The following ATP10A variants were observed in gnomAD, a reference collection of about 807,000 sequenced individuals.
ATP10A encodes ATPase phospholipid transporting 10A (putative).
In ATP10A, 111 loss-of-function variants were observed where a neutral mutation model predicts 147.8. That is an observed-to-expected ratio of 0.75 (90% confidence interval 0.64 to 0.88). The LOEUF (loss-of-function observed/expected upper bound fraction) is 0.88. Among genes scored for constraint, ATP10A ranks in the 40% least tolerant of loss-of-function variants. The probability of loss-of-function intolerance (pLI) is 0.00; values close to 1 mark genes in which losing one functional copy is unlikely to be tolerated. For missense variants in ATP10A, 1,927 were observed against 1,959.0 expected, an observed-to-expected ratio of 0.98 and a Z score of 0.31; for synonymous variants, 875 against 841.6, an observed-to-expected ratio of 1.04 and a Z score of -0.69.
At chr15:25,683,570 C>T in intron 16 of ATP10A, 84 bp from the exon 17 acceptor site, 1 of 1,264,106 alleles carries the variant, frequency 7.9e-7, no homozygotes, top group Non-Finnish European at 1.1e-6. Flanking sequence ...GACAGGCCTG[C>T]AGAGTTTCAC....
downstream of ATP10A, chr15:25,678,232 AT>A (rs1899178987): frequency 6.6e-6 from 1 of 151,838 alleles, no homozygotes; most frequent in South Asian, 2.1e-4. Flanking sequence ...ATGCTGAGGA[AT>A]TTCCTTGTCC....
Position 25,726,058 on chromosome 15 carries a change from T to C in ATP10A, c.872A>G (p.Asn291Ser). The C allele has an allele frequency of 1.2e-6, 2 of 1,614,046 alleles. No individual in the cohort carries two copies. The highest frequency in any genetic ancestry group is 1.7e-6 in the Non-Finnish European group (2 of 1,179,946). Residue 291 changes from asparagine to serine, a missense_variant, in exon 5 of 21, where the codon AAC becomes AGC. By Grantham distance (46) the Asn-to-Ser change is conservative. Transcript: ENST00000555815. ...GCGCTTGTAGCGGGGCCCACTGTTG[T>C]TCAGCAGAGCCTTGGTTTCATGTCC... ...YAGHETKALL[N>S]NSGPRYKRSK...
At chr15:25,774,238 G>A (rs1012129021) in intron 2 of ATP10A, among the ~76,000 whole-genome samples, 1 of 152,106 alleles carries the variant, frequency 6.6e-6, no homozygotes, top group South Asian at 2.1e-4. Flanking sequence ...AAATATTTCA[G>A]ACTAGCCAAA....
intron 13 of ATP10A, among the ~76,000 whole-genome samples, chr15:25,697,452 A>T (rs1345718437): frequency 1.3e-5 from 2 of 152,242 alleles, no homozygotes; most frequent in African/African-American, 4.8e-5. Context: ...AAGACAATCC[A>T]CAGAAGCCAA....
intron 1 of ATP10A, among the ~76,000 whole-genome samples, chr15:25,799,647 C>T (rs1021514629): frequency 6.6e-6 from 1 of 152,112 alleles, no homozygotes; most frequent in Non-Finnish European, 1.5e-5. Flanking sequence ...GGTGGAGGAT[C>T]GCTTGAGCCC....
At chr15:25,798,332 A>G (rs1251083965) in intron 1 of ATP10A, among the ~76,000 whole-genome samples, 1 of 152,142 alleles carries the variant, frequency 6.6e-6, no homozygotes, top group Non-Finnish European at 1.5e-5. Flanking sequence ...ACCTTCCCCA[A>G]GCCAGTGCTG....
Position 25,679,864 on chromosome 15 carries a change from G to A in ATP10A, c.3977C>T (p.Ala1326Val), listed in dbSNP as rs757180174. 6 of 1,610,388 alleles carry A rather than the reference G, an allele frequency of 3.7e-6. 1 individual carries two copies. The South Asian group carries it at 6.6e-5, about 18-fold the overall frequency. ...CGAGTCCTTCGGGAGGCGTCCCTGA[G>A]CAAAGGTCTCTTTGGGAGCACTGCA... The part of the protein sequence containing the change: ...RRCSAPKETF[A>V]QGRLPKDSGT... The change falls in exon 21 of 21, where the codon GCT becomes GTT. Residue 1326 changes from alanine to valine, a missense_variant. Physicochemically the swap from Ala to Val is moderately conservative, Grantham distance 64. Coordinates refer to ENST00000555815, the MANE Select transcript of ATP10A (RefSeq NM_024490.4).
At chr15:25,835,545 C>T (rs1464353815) in intron 1 of ATP10A, among the ~76,000 whole-genome samples, 1 of 152,166 alleles carries the variant, frequency 6.6e-6, no homozygotes, top group Non-Finnish European at 1.5e-5. Context: ...TGAACAGGGT[C>T]CCAAGCCTGG....
intron 16 of ATP10A, among the ~76,000 whole-genome samples, chr15:25,684,790 C>T (rs1217387872): frequency 1.3e-5 from 2 of 152,154 alleles, no homozygotes; most frequent in Non-Finnish European, 1.5e-5. Flanking sequence ...CTGACTCAGT[C>T]ACTTCACCTC....
downstream of ATP10A, among the ~76,000 whole-genome samples, chr15:25,674,565 C>T (rs531040378): frequency 1.3e-5 from 2 of 152,330 alleles, no homozygotes; most frequent in South Asian, 4.1e-4. Context: ...AGAAACTTCA[C>T]AGCTTCATTC....
chr15:25,716,517 A>G (rs914517896), intron 9 of ATP10A, among the ~76,000 whole-genome samples: 5 of 152,150 alleles, frequency 3.3e-5, no homozygotes, highest in African/African-American at 1.2e-4. Context: ...CCCCAATCAT[A>G]GCCCCTGCCC....
At chr15:25,852,756 C>T (rs1157637893) in intron 1 of ATP10A, among the ~76,000 whole-genome samples, 1 of 152,204 alleles carries the variant, frequency 6.6e-6, no homozygotes, top group Non-Finnish European at 1.5e-5. Flanking sequence ...TCTTCAAGCA[C>T]AGTGAATTCC....
chr15:25,695,098 T>C lies in ATP10A; in HGVS notation c.2809A>G (p.Arg937Gly), dbSNP rs1900247795. ...TTCTCAGGGGCTCTCTGGAGGCCTC[T>C]GGACTGCACGTAGCATAGGCACTGG... ...LDQCLCYVQS[R>G]GLQRAPEKTK... is the part of the protein sequence containing the mutation. Residue 937 changes from arginine to glycine, a missense_variant, in exon 14 of 21, where the codon AGA (arginine) becomes GGA (glycine). Transcript: ENST00000555815. The C allele has an allele frequency of 1.9e-6, 3 of 1,614,184 alleles. No individual in the cohort carries two copies. The highest frequency in any genetic ancestry group is 2.5e-6 in the Non-Finnish European group (3 of 1,180,030).
At chr15:25,762,216 A>G (rs974407033) in intron 2 of ATP10A, among the ~76,000 whole-genome samples, 2 of 152,166 alleles carry the variant, frequency 1.3e-5, no homozygotes, top group Non-Finnish European at 2.9e-5. Flanking sequence ...ATAAGTTTCA[A>G]GAGGCCTCCC....
intron 2 of ATP10A, among the ~76,000 whole-genome samples, chr15:25,753,891 C>A (rs9972473): frequency 1.3e-5 from 2 of 151,518 alleles, no homozygotes; most frequent in Non-Finnish European, 2.9e-5. Flanking sequence ...ATTCTCCCAC[C>A]CTAGCCTCCC....
intron 1 of ATP10A, among the ~76,000 whole-genome samples, chr15:25,831,295 A>T (rs1892345881): frequency 6.6e-6 from 1 of 152,216 alleles, no homozygotes; most frequent in Non-Finnish European, 1.5e-5. Flanking sequence ...AAGTCCTGGA[A>T]CTGTAATGGG....
At chr15:25,682,979 T>G (rs933759738) in intron 17 of ATP10A, among the ~76,000 whole-genome samples, 1 of 152,148 alleles carries the variant, frequency 6.6e-6, no homozygotes, top group Non-Finnish European at 1.5e-5. Context: ...ATAAGTCACA[T>G]TTTCTTCCTT....
chr15:25,814,061 A>C (rs1296565087), intron 1 of ATP10A, among the ~76,000 whole-genome samples: 1 of 152,196 alleles, frequency 6.6e-6, no homozygotes, highest in Non-Finnish European at 1.5e-5. Context: ...CACAGGAAAC[A>C]AGAAGAAAAC....
At chr15:25,768,425 C>A (rs1216195329) in intron 2 of ATP10A, among the ~76,000 whole-genome samples, 1 of 152,134 alleles carries the variant, frequency 6.6e-6, no homozygotes, top group East Asian at 1.9e-4. Context: ...CCTGGCTGGG[C>A]ACCTGGACTC....
Sources: gnomAD v4.1 joint callset for allele counts (sites outside exome capture counted in the v4.1 genomes callset) on GRCh38, gnomAD v4.1.1 for gene constraint, MANE v1.5 for transcripts, NCBI Gene and HGNC (gene_info 2026-07-23, HGNC 2026-07-21) for gene names.